The following CXADR variants were observed in gnomAD, a reference collection of about 807,000 sequenced individuals.
CXADR encodes the protein coxsackievirus and adenovirus receptor.
Under a neutral mutation model 40.3 loss-of-function variants are expected in CXADR, and 20 were observed. The ratio of observed to expected loss-of-function variants is 0.50; its 90% CI spans 0.35 to 0.72. The LOEUF (loss-of-function observed/expected upper bound fraction) is 0.72. CXADR is among the 30% of genes least tolerant of loss of function. The pLI is 0.01. For synonymous variants in CXADR, 150 were observed against 161.3 expected, an observed-to-expected ratio of 0.93 and a Z score of 0.53; for missense variants, 332 against 449.1, an observed-to-expected ratio of 0.74 and a Z score of 2.36.
chr21:17,547,333 G>A, intron 2 of CXADR, 140 bp downstream of exon 2: 1 of 1,217,672 alleles, frequency 8.2e-7, no homozygotes. Context: ...TGGTCTGGGT[G>A]AGGAAGGCAA....
At chr21:17,594,035 G>GT, downstream of CXADR, 2 of 1,571,934 alleles carry the variant, frequency 1.3e-6, no homozygotes, top group South Asian at 2.4e-5. Context: ...CTTTTAATGT[G>GT]TAGTAAGGTT....
downstream of CXADR, among the ~76,000 whole-genome samples, chr21:17,594,797 A>C (rs1254485158): frequency 6.6e-6 from 1 of 151,956 alleles, no homozygotes; most frequent in African/African-American, 2.4e-5. Flanking sequence ...TAATGATAAG[A>C]ACTTATGAAC....
intron 1 of CXADR, among the ~76,000 whole-genome samples, chr21:17,538,382 G>A (rs1032370502): frequency 2.5e-4 from 38 of 152,172 alleles, no homozygotes; most frequent in Non-Finnish European, 5.1e-4. Flanking sequence ...TACTGTGGGA[G>A]TGGGAAGTGG....
In CXADR at chr21:17,583,243, C is replaced by T. The variant is rs998209762; in HGVS notation, c.1018-9909C>T. Among the ~76,000 whole-genome samples the T allele has an allele frequency of 1.4e-4, 21 of 152,192 alleles. 1 individual carries two copies. Among genetic ancestry groups the T allele is most frequent in the African/African-American group, 5.1e-4 (21 of 41,534 alleles). On this transcript the variant is annotated intron_variant, in intron 7 of 7. Transcript: ENST00000400169. ...TGATAAAGATGTGCTATATAGTAGA[C>T]CAGGAGAGCTTTATGAATGTATGTA... is the stretch of plus-strand genomic sequence containing the variant.
At chr21:17,518,580 A>G in intron 1 of CXADR, 1 of 1,252,648 alleles carries the variant, frequency 8.0e-7, no homozygotes, top group African/African-American at 1.5e-5. Context: ...GAACATCATC[A>G]TCCTCCTCAT....
At chr21:17,602,790 G>A in the CXADR span, among the ~76,000 whole-genome samples, 2 of 152,118 alleles carry the variant, frequency 1.3e-5, no homozygotes, top group African/African-American at 2.4e-5. Flanking sequence ...TAGAATGTCC[G>A]TATAACTAAA....
At chr21:17,550,496 A>G (rs753874057) in intron 2 of CXADR, among the ~76,000 whole-genome samples, 1 of 152,126 alleles carries the variant, frequency 6.6e-6, no homozygotes, top group Non-Finnish European at 1.5e-5. Context: ...GATGACATTT[A>G]TTCTGATTAT....
At chr21:17,563,490 T>C (rs1397985773) in intron 6 of CXADR, among the ~76,000 whole-genome samples, 2 of 152,130 alleles carry the variant, frequency 1.3e-5, no homozygotes, top group Admixed American at 6.5e-5. Flanking sequence ...CTGTCTCTTA[T>C]GGGCATCATT....
chr21:17,594,418 TACCC>T, downstream of CXADR: 2 of 1,328,736 alleles, frequency 1.5e-6, no homozygotes, highest in East Asian at 4.8e-5. Flanking sequence ...CAAACAAAGT[TACCC>T]ACAACACTGA....
chr21:17,576,087 C>CA (rs35462120), intron 7 of CXADR, among the ~76,000 whole-genome samples: 101,294 of 121,612 alleles, frequency 0.83, 41,851 homozygotes, highest in South Asian at 0.89. Flanking sequence ...GACTCCATCT[C>CA]AAAAAAAAAA....
At chr21:17,545,985 G>C (rs2123241835) in intron 1 of CXADR, among the ~76,000 whole-genome samples, 1 of 152,174 alleles carries the variant, frequency 6.6e-6, no homozygotes, top group East Asian at 1.9e-4. Context: ...CACCATGTTG[G>C]TCAGGCTGGT....
In CXADR at chr21:17,566,116, C is replaced by T. The variant is rs2061205274; in HGVS notation, c.*424C>T. ...GATGTGTATTTCATTTATTTATGGC[C>T]CACCAGTCTCCCCCAAATTAGTACA... is the stretch of plus-strand genomic sequence containing the variant. On this transcript the variant is annotated 3_prime_UTR_variant, in exon 7 of 7. Transcript: ENST00000284878. 1.0e-6 allele frequency: 1 copy of T among 983,102 alleles called. No individual in the cohort carries two copies. The highest frequency in any genetic ancestry group is 1.8e-5 in the African/African-American group (1 of 57,098). 60.9% of individuals were successfully genotyped at this position (983,102 alleles called of 1,614,324 possible). A position where few individuals can be genotyped will look rare whatever the true frequency, so the allele number is the denominator to read the frequency against.
In CXADR at chr21:17,569,799, G is replaced by A. The variant is rs2061261326; in HGVS notation, c.*4107G>A. On this transcript the variant is annotated 3_prime_UTR_variant, in exon 7 of 7. Coordinates refer to ENST00000284878, the MANE Select transcript of CXADR (RefSeq NM_001338.5). Reference sequence around the variant, plus strand: ...ATCAAAACAGAACTTTGTGTTTTCTGCTAACTTATTTAATGACACAAGTTT... The same window carrying A: ...ATCAAAACAGAACTTTGTGTTTTCTACTAACTTATTTAATGACACAAGTTT... 2 of 985,136 alleles carry A rather than the reference G, an allele frequency of 2.0e-6. No individual in the cohort carries two copies. Among genetic ancestry groups the A allele is most frequent in the South Asian group, 9.4e-5 (2 of 21,292 alleles). The allele number at this position is 985,136 out of a possible 1,614,324, so 61.0% of individuals were successfully genotyped here.
chr21:17,596,325 G>T (rs986791282), downstream of CXADR, among the ~76,000 whole-genome samples: 1 of 151,798 alleles, frequency 6.6e-6, no homozygotes, highest in Non-Finnish European at 1.5e-5. Context: ...TCCCTTATTA[G>T]TTACTTTTTG....
intron 2 of CXADR, among the ~76,000 whole-genome samples, 178 bp downstream of exon 2, chr21:17,547,371 G>A (rs972741857): frequency 1.3e-5 from 2 of 152,208 alleles, no homozygotes; most frequent in Non-Finnish European, 2.9e-5. Flanking sequence ...GAGGACACAT[G>A]TAATGGAGGG....
At chr21:17,634,252 G>C in the CXADR span, among the ~76,000 whole-genome samples, 1 of 152,132 alleles carries the variant, frequency 6.6e-6, no homozygotes, top group African/African-American at 2.4e-5. Flanking sequence ...TCCTATATGG[G>C]GGGGATCCTT....
the CXADR span, among the ~76,000 whole-genome samples, chr21:17,599,739 C>CA: frequency 6.6e-6 from 1 of 152,180 alleles, no homozygotes; most frequent in Non-Finnish European, 1.5e-5. Flanking sequence ...CTCGGCCTCC[C>CA]AAAGTGCTGG....
chr21:17,553,907 G>A (rs888152314), intron 3 of CXADR, among the ~76,000 whole-genome samples: 21 of 152,032 alleles, frequency 1.4e-4, no homozygotes, highest in African/African-American at 4.8e-4. Context: ...GTGAGCCACC[G>A]CACCCAGCTA....
In CXADR at chr21:17,566,014, A is replaced by T; in HGVS notation, c.*322A>T. 19 of 1,013,674 alleles carry T rather than the reference A, an allele frequency of 1.9e-5. No homozygotes were observed. Among genetic ancestry groups the T allele is most frequent in the Non-Finnish European group, 2.2e-5 (19 of 848,824 alleles). The allele number at this position is 1,013,674 out of a possible 1,614,324, so 62.8% of individuals were successfully genotyped here. On this transcript the variant is annotated 3_prime_UTR_variant, in exon 7 of 7. Coordinates refer to ENST00000284878, the MANE Select transcript of CXADR (RefSeq NM_001338.5). ...GAAATCATAGGTGAAGACATGGGTG[A>T]ACTTACTTGCATACCAAGTTGATAC...
Sources: gnomAD v4.1 joint callset for allele counts (sites outside exome capture counted in the v4.1 genomes callset) on GRCh38, gnomAD v4.1.1 for gene constraint, MANE v1.5 for transcripts, NCBI Gene and HGNC (gene_info 2026-07-23, HGNC 2026-07-21) for gene names.